Variants in LRRC4C observed in about 807,000 individuals in gnomAD.
LRRC4C encodes leucine-rich repeat-containing protein 4C.
In LRRC4C, 5 loss-of-function variants were observed where a neutral mutation model predicts 33.6. The ratio of observed to expected loss-of-function variants is 0.15; its 90% confidence interval spans 0.08 to 0.31. The LOEUF (loss-of-function observed/expected upper bound fraction) is 0.31. LRRC4C is among the 10% of genes least tolerant of loss of function. The pLI, the probability that LRRC4C is intolerant of heterozygous loss-of-function variation, is 1.00. For synonymous variants in LRRC4C, 329 were observed against 302.0 expected, an observed-to-expected ratio of 1.09 and a Z score of -0.93; for missense variants, 560 against 796.7, an observed-to-expected ratio of 0.70 and a Z score of 3.58.
At position 40,158,476 on chromosome 11, in the gene LRRC4C, T is replaced by C. The variant is rs58710251; in HGVS notation, c.-95-17623A>G. Among the ~76,000 whole-genome samples the C allele has an allele frequency of 3.6e-3, 553 of 152,180 alleles. 6 individuals are homozygous for C. Among genetic ancestry groups the C allele is most frequent in the African/African-American group, 0.012 (509 of 41,548 alleles). The stretch of plus-strand genomic sequence containing the variant: ...TCAGTTTAATAATTATGGTATGCAA[T>C]TGGGTCTTTAGTCCCTAAGAACAAA... On this transcript the variant is annotated intron_variant, in intron 5 of 6. Transcript: ENST00000528697.
At chr11:40,775,789 C>A (rs1949967839) in intron 2 of LRRC4C, among the ~76,000 whole-genome samples, 1 of 152,106 alleles carries the variant, frequency 6.6e-6, no homozygotes. Flanking sequence ...TCTGATTGTT[C>A]TTGCTTGGAC....
At chr11:40,842,602 A>G (rs1952960987) in intron 2 of LRRC4C, among the ~76,000 whole-genome samples, 2 of 152,120 alleles carry the variant, frequency 1.3e-5, no homozygotes, top group South Asian at 4.1e-4. Context: ...TATTATTATT[A>G]ACTATGGTCA....
intron 5 of LRRC4C, among the ~76,000 whole-genome samples, chr11:40,231,354 A>G (rs1865182186): frequency 6.6e-6 from 1 of 152,184 alleles, no homozygotes; most frequent in African/African-American, 2.4e-5. Context: ...TTTGAATATC[A>G]CCGCACAACT....
intron 3 of LRRC4C, among the ~76,000 whole-genome samples, chr11:40,372,323 A>T (rs1488750445): frequency 6.6e-6 from 1 of 152,164 alleles, no homozygotes; most frequent in East Asian, 1.9e-4. Context: ...ACACTTGGGG[A>T]CCTTGTAATC....
chr11:40,174,409 C>T (rs1860298915), intron 5 of LRRC4C, among the ~76,000 whole-genome samples: 1 of 152,010 alleles, frequency 6.6e-6, no homozygotes, highest in African/African-American at 2.4e-5. Flanking sequence ...GTTATCAATC[C>T]CTATATAACT....
At chr11:40,938,286 A>G (rs1957994803) in intron 1 of LRRC4C, among the ~76,000 whole-genome samples, 1 of 152,116 alleles carries the variant, frequency 6.6e-6, no homozygotes. Context: ...GGATGAGTGC[A>G]CCGCAATGAT....
At chr11:40,607,921 T>G (rs980578910) in intron 3 of LRRC4C, among the ~76,000 whole-genome samples, 2 of 152,126 alleles carry the variant, frequency 1.3e-5, no homozygotes, top group East Asian at 3.9e-4. Context: ...GCCTACATGC[T>G]CCCTCTAGGG....
chr11:40,485,492 C>T (rs1565436271), intron 3 of LRRC4C, among the ~76,000 whole-genome samples: 1 of 151,864 alleles, frequency 6.6e-6, no homozygotes, highest in Non-Finnish European at 1.5e-5. Context: ...AGAGAAATGC[C>T]ATTTCAAGTC....
At chr11:40,292,412 C>T (rs1944254028) in intron 4 of LRRC4C, 2 of 152,146 alleles carry the variant, frequency 1.3e-5, no homozygotes, top group South Asian at 4.1e-4. Flanking sequence ...CTCAATCTGC[C>T]GCGGTCAACT....
intron 1 of LRRC4C, among the ~76,000 whole-genome samples, chr11:41,029,150 C>T (rs938553244): frequency 2.0e-5 from 3 of 151,694 alleles, no homozygotes; most frequent in Non-Finnish European, 4.4e-5. Context: ...CCAAACTAGT[C>T]GACTACATTA....
intron 1 of LRRC4C, among the ~76,000 whole-genome samples, chr11:41,360,206 A>G (rs1049958446): frequency 2.0e-5 from 3 of 152,042 alleles, no homozygotes; most frequent in Non-Finnish European, 4.4e-5. Flanking sequence ...AAACAAACAA[A>G]CAGAATAAAA....
At chr11:40,590,767 G>T (rs1959009330) in intron 3 of LRRC4C, among the ~76,000 whole-genome samples, 2 of 152,186 alleles carry the variant, frequency 1.3e-5, no homozygotes, top group Non-Finnish European at 2.9e-5. Context: ...CCTGCTGGGG[G>T]GTGCCTCCCA....
intron 1 of LRRC4C, among the ~76,000 whole-genome samples, chr11:40,937,988 A>G (rs556364326): frequency 1.3e-5 from 2 of 152,216 alleles, no homozygotes; most frequent in South Asian, 4.1e-4. Flanking sequence ...CTGTGAACTG[A>G]TTCATCGTAA....
chr11:40,587,812 C>A (rs1187574409), intron 3 of LRRC4C, among the ~76,000 whole-genome samples: 1 of 152,116 alleles, frequency 6.6e-6, no homozygotes, highest in African/African-American at 2.4e-5. Context: ...AGCCTTGCAT[C>A]CCAGGGATAA....
chr11:40,649,422 G>C (rs1280166613), intron 2 of LRRC4C, among the ~76,000 whole-genome samples: 3 of 152,160 alleles, frequency 2.0e-5, no homozygotes, highest in Non-Finnish European at 4.4e-5. Context: ...CTCTCTGCAA[G>C]AAGAAAAATA....
chr11:40,488,673 C>G (rs532356229), intron 3 of LRRC4C, among the ~76,000 whole-genome samples: 1 of 152,026 alleles, frequency 6.6e-6, no homozygotes, highest in Non-Finnish European at 1.5e-5. Flanking sequence ...TGGATTCTTA[C>G]GTGACTAAAT....
intron 3 of LRRC4C, among the ~76,000 whole-genome samples, chr11:40,477,050 A>G (rs1197534215): frequency 6.6e-6 from 1 of 152,168 alleles, no homozygotes; most frequent in Non-Finnish European, 1.5e-5. Flanking sequence ...GTCTCAGGCC[A>G]GAACTGTCTG....
chr11:41,403,642 G>A (rs72896577), intron 1 of LRRC4C, among the ~76,000 whole-genome samples: 2,549 of 152,130 alleles, frequency 0.017, 33 homozygotes, highest in Middle Eastern at 0.041. Context: ...TTGGGTTGCC[G>A]ACAAAAACTT....
At chr11:40,950,250 T>G (rs1958634847) in intron 1 of LRRC4C, among the ~76,000 whole-genome samples, 1 of 151,960 alleles carries the variant, frequency 6.6e-6, no homozygotes, top group Admixed American at 6.6e-5. Context: ...GTTTTTTTCT[T>G]TTTTCTACAA....
Sources: gnomAD v4.1 joint callset for allele counts (sites outside exome capture counted in the v4.1 genomes callset) on GRCh38, gnomAD v4.1.1 for gene constraint, MANE v1.5 for transcripts, NCBI Gene and HGNC (gene_info 2026-07-23, HGNC 2026-07-21) for gene names.